MYO16: variants seen among roughly 807,000 people sequenced by gnomAD.
The protein encoded by MYO16 is myosin XVI.
MYO16 carries 94 observed loss-of-function variants against 205.3 expected under a neutral mutation model. That is an observed-to-expected ratio of 0.46 (90% CI 0.39 to 0.54). MYO16 has a LOEUF of 0.54. Ranked by LOEUF, MYO16 falls within the 20% of genes least tolerant of loss-of-function variation. The pLI, the probability that MYO16 is intolerant of heterozygous loss-of-function variation, is 0.00. For missense variants in MYO16, 2,315 were observed against 2,387.5 expected, an observed-to-expected ratio of 0.97 and a Z score of 0.63; for synonymous variants, 988 against 954.0, an observed-to-expected ratio of 1.04 and a Z score of -0.66.
chr13:108,877,187 T>C (rs996585487), intron 12 of MYO16, among the ~76,000 whole-genome samples: 1 of 152,242 alleles, frequency 6.6e-6, no homozygotes, highest in African/African-American at 2.4e-5. Flanking sequence ...GTTTTATAAA[T>C]GCTCTTTTTG....
intron 29 of MYO16, 126 bp downstream of exon 29, chr13:109,120,592 A>T (rs900450168): frequency 3.3e-6 from 2 of 599,424 alleles, no homozygotes; most frequent in Admixed American, 7.5e-5. Flanking sequence ...CGATTCCTGG[A>T]TGCTATCTTC....
rs1000421601 is a variant in MYO16 at position 109,127,145 on chromosome 13, A to G, written c.3783-137A>G. On this transcript the variant is annotated intron_variant, in intron 30 of 34. Transcript: ENST00000457511. This position sits in a 1 kb window ranked among gnomAD's most constrained non-coding sequence, Gnocchi z 4.2. Reference sequence around the variant, plus strand: ...CCAACTGGTCACCAGAGGGCTGCACACGTCCTCCAGCCACAGCAGGAAGGG... The same window carrying G: ...CCAACTGGTCACCAGAGGGCTGCACGCGTCCTCCAGCCACAGCAGGAAGGG... 49 of 1,160,408 alleles carry G rather than the reference A, an allele frequency of 4.2e-5. No individual in the cohort carries two copies. The highest frequency in any genetic ancestry group is 5.6e-5 in the Non-Finnish European group (48 of 851,038). 71.9% of individuals were successfully genotyped at this position (1,160,408 alleles called of 1,614,324 possible). A position where few individuals can be genotyped will look rare whatever the true frequency, so the allele number is the denominator to read the frequency against.
intron 1 of MYO16, among the ~76,000 whole-genome samples, chr13:108,637,541 T>C (rs1055831445): frequency 6.6e-6 from 1 of 152,230 alleles, no homozygotes; most frequent in Non-Finnish European, 1.5e-5. Flanking sequence ...GAAATATTAT[T>C]TAACTCCTGG....
At chr13:108,866,387 T>G in intron 12 of MYO16, 145 bp downstream of exon 12, 2 of 464,076 alleles carry the variant, frequency 4.3e-6, no homozygotes, top group Non-Finnish European at 7.5e-6. Context: ...TAGCAGTGAC[T>G]TTAATTCATT....
At chr13:109,154,317 TG>T (rs1028902338) in intron 32 of MYO16, among the ~76,000 whole-genome samples, 28 of 152,210 alleles carry the variant, frequency 1.8e-4, no homozygotes, top group African/African-American at 6.5e-4. Flanking sequence ...CCCACCGCCT[TG>T]GGTGGCCTGG....
chr13:108,863,718 C>T (rs1371268489), intron 11 of MYO16, among the ~76,000 whole-genome samples: 1 of 151,970 alleles, frequency 6.6e-6, no homozygotes, highest in African/African-American at 2.4e-5. Flanking sequence ...GGGAAGTGTT[C>T]CTTTTTCTGT....
chr13:108,843,037 T>A (rs1877328405), intron 9 of MYO16, among the ~76,000 whole-genome samples: 1 of 152,026 alleles, frequency 6.6e-6, no homozygotes, highest in South Asian at 2.1e-4. Context: ...ATGTGTGGAC[T>A]CTTAAAAACC....
chr13:108,920,782 T>C (rs547305304), intron 16 of MYO16, among the ~76,000 whole-genome samples: 30 of 152,322 alleles, frequency 2.0e-4, no homozygotes, highest in African/African-American at 7.2e-4. Context: ...TCTTTAACAT[T>C]GTTTATTCCG....
intron 9 of MYO16, among the ~76,000 whole-genome samples, chr13:108,832,570 T>C (rs1429434117): frequency 6.6e-6 from 1 of 152,164 alleles, no homozygotes; most frequent in Non-Finnish European, 1.5e-5. Context: ...TGATGATGAA[T>C]AAAATCCTCT....
chr13:108,703,042 TAACA>T (rs1883368810), intron 2 of MYO16, among the ~76,000 whole-genome samples: 1 of 152,048 alleles, frequency 6.6e-6, no homozygotes, highest in Non-Finnish European at 1.5e-5. Flanking sequence ...ATAATACACA[TAACA>T]AACAAAAGCA....
intron 23 of MYO16, among the ~76,000 whole-genome samples, chr13:109,023,877 A>G (rs184516017): frequency 0.017 from 2,366 of 138,870 alleles, 68 homozygotes; most frequent in African/African-American, 0.058. Context: ...ATTAAATTTT[A>G]TTAAATACTT....
chr13:108,692,647 C>A (rs751623922), intron 2 of MYO16, among the ~76,000 whole-genome samples: 1 of 152,076 alleles, frequency 6.6e-6, no homozygotes, highest in Non-Finnish European at 1.5e-5. Context: ...TGTCACACGG[C>A]GCATATCTTT....
chr13:108,736,676 G>A (rs542933361), intron 4 of MYO16, among the ~76,000 whole-genome samples: 1 of 152,272 alleles, frequency 6.6e-6, no homozygotes, highest in South Asian at 2.1e-4. Context: ...CCAATTCTCT[G>A]AAGAGAGTCA....
chr13:108,698,441 A>G (rs187854889), intron 2 of MYO16, among the ~76,000 whole-genome samples: 66 of 152,294 alleles, frequency 4.3e-4, no homozygotes, highest in African/African-American at 1.5e-3. Context: ...AGGGTTTGGG[A>G]AATCTTGTGA....
At chr13:108,714,619 T>TAG (rs1566566766) in intron 3 of MYO16, among the ~76,000 whole-genome samples, 1 of 142,020 alleles carries the variant, frequency 7.0e-6, no homozygotes, top group African/African-American at 2.5e-5. Flanking sequence ...TGTGTATATA[T>TAG]ATAGAGAGAG....
At chr13:108,998,401 A>G (rs1885105737) in intron 21 of MYO16, among the ~76,000 whole-genome samples, 1 of 152,210 alleles carries the variant, frequency 6.6e-6, no homozygotes, top group African/African-American at 2.4e-5. Context: ...TTACATAGAC[A>G]TTATGGTATG....
At chr13:108,593,257 T>C (rs1023124590), upstream of MYO16, among the ~76,000 whole-genome samples, 7 of 152,164 alleles carry the variant, frequency 4.6e-5, no homozygotes, top group Non-Finnish European at 1.0e-4. Context: ...AAGTGGGTCT[T>C]CGAAGAGGAG....
intron 22 of MYO16, among the ~76,000 whole-genome samples, chr13:109,015,646 A>G (rs769829811): frequency 6.6e-6 from 1 of 152,094 alleles, no homozygotes; most frequent in African/African-American, 2.4e-5. Context: ...AGTGCCTGCT[A>G]TTGGTCTATT....
intron 16 of MYO16, among the ~76,000 whole-genome samples, chr13:108,950,521 T>C (rs775979042): frequency 1.3e-5 from 2 of 152,084 alleles, no homozygotes; most frequent in African/African-American, 4.8e-5. Flanking sequence ...GAACAGCTCA[T>C]GAAAAAACAT....
Sources: gnomAD v4.1 joint callset for allele counts (sites outside exome capture counted in the v4.1 genomes callset) on GRCh38, gnomAD v4.1.1 for gene constraint, Gnocchi (gnomAD v3.1) non-coding constraint, MANE v1.5 for transcripts, NCBI Gene and HGNC (gene_info 2026-07-23, HGNC 2026-07-21) for gene names.